The following ACSL3 variants were observed in gnomAD, a reference collection of about 807,000 sequenced individuals.
ACSL3 encodes acyl-CoA synthetase long chain family member 3.
ACSL3 carries 34 observed loss-of-function variants against 84.7 expected under a neutral mutation model. The ratio of observed to expected loss-of-function variants is 0.40; its 90% CI spans 0.31 to 0.53. The LOEUF (loss-of-function observed/expected upper bound fraction) is 0.53, where lower values mean the gene tolerates loss of function less well. Among genes scored for constraint, ACSL3 ranks in the 20% least tolerant of loss-of-function variants. ACSL3 has a pLI of 0.48. For missense variants in ACSL3, 680 were observed against 873.1 expected (o/e 0.78, Z 2.79); for synonymous variants, 315 against 299.4 (o/e 1.05, Z -0.54).
intron 1 of ACSL3, among the ~76,000 whole-genome samples, chr2:222,886,853 C>T (rs1695736244): frequency 1.3e-5 from 2 of 152,126 alleles, no homozygotes; most frequent in Non-Finnish European, 2.9e-5. Flanking sequence ...CATAGCCTCC[C>T]TCTTTATCAA....
intron 1 of ACSL3, among the ~76,000 whole-genome samples, chr2:222,887,001 A>G (rs1262036440): frequency 1.3e-5 from 2 of 152,238 alleles, no homozygotes; most frequent in Admixed American, 6.5e-5. Flanking sequence ...TAACAAATAT[A>G]TGATGACATG....
chr2:222,905,523 T>G (rs1456051844), intron 3 of ACSL3, among the ~76,000 whole-genome samples: 1 of 152,212 alleles, frequency 6.6e-6, no homozygotes, highest in Non-Finnish European at 1.5e-5. Flanking sequence ...AGAACTTAGT[T>G]GGATAACATC....
At chr2:222,894,656 A>G (rs902169886) in intron 2 of ACSL3, among the ~76,000 whole-genome samples, 5 of 152,176 alleles carry the variant, frequency 3.3e-5, no homozygotes, top group African/African-American at 1.2e-4. Context: ...CTGCATTTAA[A>G]TATTCAGGGA....
intron 13 of ACSL3, among the ~76,000 whole-genome samples, chr2:222,929,400 T>C (rs988633341): frequency 7.2e-5 from 11 of 152,170 alleles, no homozygotes; most frequent in African/African-American, 2.2e-4. Context: ...TTTAAAATAA[T>C]GGTCACTTAA....
At chr2:222,922,110 GT>G (rs1305208808) in intron 8 of ACSL3, among the ~76,000 whole-genome samples, 2 of 152,084 alleles carry the variant, frequency 1.3e-5, no homozygotes, top group Non-Finnish European at 2.9e-5. Context: ...TTTCTTACAG[GT>G]TTGCCTCAGT....
At chr2:222,875,729 T>G (rs1009016349) in intron 1 of ACSL3, among the ~76,000 whole-genome samples, 1 of 152,166 alleles carries the variant, frequency 6.6e-6, no homozygotes, top group Non-Finnish European at 1.5e-5. Flanking sequence ...GGTTGTTGAA[T>G]GAGCTGATAT....
intron 16 of ACSL3, among the ~76,000 whole-genome samples, chr2:222,937,652 C>A (rs1244843034): frequency 1.3e-5 from 2 of 152,042 alleles, no homozygotes; most frequent in Non-Finnish European, 2.9e-5. Flanking sequence ...CATGGAATAT[C>A]TATTTCCATC....
At chr2:222,891,060 G>A (rs1213231798) in intron 2 of ACSL3, among the ~76,000 whole-genome samples, 1 of 152,184 alleles carries the variant, frequency 6.6e-6, no homozygotes, top group African/African-American at 2.4e-5. Context: ...AATGTAGTAC[G>A]TAGCTGGATT....
intron 4 of ACSL3, among the ~76,000 whole-genome samples, chr2:222,913,565 CT>C (rs975887919): frequency 2.6e-5 from 4 of 151,990 alleles, no homozygotes; most frequent in African/African-American, 7.2e-5. Context: ...CTCCCCCCGC[CT>C]TTTTTTTAGC....
At chr2:222,895,238 T>G (rs1198456659) in intron 2 of ACSL3, among the ~76,000 whole-genome samples, 1 of 152,196 alleles carries the variant, frequency 6.6e-6, no homozygotes, top group African/African-American at 2.4e-5. Flanking sequence ...ATGATTTTGC[T>G]TATTACTCTG....
Position 222,919,345 on chromosome 2 carries a change from ATACTTTC to A in ACSL3, c.805+144_805+150del. 3 of 802,360 alleles carry A rather than the reference ATACTTTC, an allele frequency of 3.7e-6. No homozygotes were observed. The South Asian group carries it at 8.2e-5, about 22-fold the overall frequency. The allele number at this position is 802,360 out of a possible 1,614,324, so 49.7% of individuals were successfully genotyped here. On this transcript the variant is annotated intron_variant, in intron 7 of 16. Transcript: ENST00000357430. ...GTTAGGAAAACAGGTCCCTCTAGGT[ATACTTTC>A]ATCTTGTCTTTAAAGAAAGTTTTAA...
chr2:222,941,796 C>A lies in ACSL3; in HGVS notation c.*142C>A. On this transcript the variant is annotated 3_prime_UTR_variant, in exon 17 of 17. Coordinates refer to ENST00000357430, the MANE Select transcript of ACSL3 (RefSeq NM_004457.5). ...TCATGACGTCACCATTTTTAACTGA[C>A]AGGATTAGTAAAACATTAAGACAGC... 1 of 891,846 alleles carries A rather than the reference C, an allele frequency of 1.1e-6. No individual in the cohort carries two copies. The highest frequency in any genetic ancestry group is 1.6e-6 in the Non-Finnish European group (1 of 631,160). 55.2% of individuals were successfully genotyped at this position (891,846 alleles called of 1,614,324 possible). A position where few individuals can be genotyped will look rare whatever the true frequency, so the allele number is the denominator to read the frequency against.
At chr2:222,916,716 TGGGAGAC>T in intron 5 of ACSL3, 2 of 378,696 alleles carry the variant, frequency 5.3e-6, no homozygotes, top group South Asian at 9.0e-5. Context: ...AACCTCTTCA[TGGGAGAC>T]TTTCAGGTCT....
rs192736777 is a variant in ACSL3, at chr2:222,943,402, G to T, written c.*1748G>T. On this transcript the variant is annotated 3_prime_UTR_variant, in exon 17 of 17. Transcript: ENST00000357430. ...AAAATTAAATCTCAGTGGGCGGAGA[G>T]AATTTGTTTCTGATGCCTTGTCTTT... 2.4e-4 allele frequency: 44 copies of T among 181,320 alleles called. No individual in the cohort carries two copies. The highest frequency in any genetic ancestry group is 1.0e-3 in the African/African-American group (43 of 42,510). 11.2% of individuals were successfully genotyped at this position (181,320 alleles called of 1,614,324 possible).
chr2:222,934,793 C>G, intron 16 of ACSL3, 106 bp downstream of exon 16: 4 of 1,209,972 alleles, frequency 3.3e-6, no homozygotes, highest in Non-Finnish European at 4.6e-6. Flanking sequence ...TGCTCAGAAA[C>G]CATTTCTACC....
In ACSL3 at chr2:222,908,553, A is replaced by T. The variant is rs150979759; in HGVS notation, c.-40-180A>T. Reference sequence around the variant, plus strand: ...GTATGATGTGGAAACTTTTCTTGTAATTCCGTTGTTAATAGATATTGTACA... The same window carrying T: ...GTATGATGTGGAAACTTTTCTTGTATTTCCGTTGTTAATAGATATTGTACA... On this transcript the variant is annotated intron_variant, in intron 3 of 16. Transcript: ENST00000357430. 1.2e-3 allele frequency among the ~76,000 whole-genome samples: 183 copies of T among 152,262 alleles called. 5 individuals are homozygous for T. In the East Asian group the frequency reaches 0.028, roughly 23 times the overall value.
chr2:222,911,341 G>T (rs879547314), intron 4 of ACSL3, among the ~76,000 whole-genome samples: 6 of 152,176 alleles, frequency 3.9e-5, no homozygotes, highest in Non-Finnish European at 8.8e-5. Context: ...GAGCCACAGC[G>T]CCCAACCAGC....
At chr2:222,886,217 C>T (rs1695718752) in intron 1 of ACSL3, among the ~76,000 whole-genome samples, 2 of 152,072 alleles carry the variant, frequency 1.3e-5, no homozygotes. Flanking sequence ...TCCTAATGTT[C>T]TCCCTCCCCT....
At chr2:222,930,872 A>G (rs1423652176) in intron 14 of ACSL3, 60 bp downstream of exon 14, 3 of 1,459,522 alleles carry the variant, frequency 2.1e-6, no homozygotes, top group Non-Finnish European at 2.8e-6. Context: ...CACAAGAAGC[A>G]CAATATATTT....
Sources: allele counts gnomAD v4.1 joint callset (sites outside exome capture counted in the v4.1 genomes callset), GRCh38; gene constraint gnomAD v4.1.1; transcripts MANE v1.5; gene names NCBI Gene and HGNC (gene_info 2026-07-23, HGNC 2026-07-21).